MGAT4C: variants seen among roughly 807,000 people sequenced by gnomAD.
MGAT4C encodes alpha-1,3-mannosyl-glycoprotein 4-beta-N-acetylglucosaminyltransferase C.
A neutral mutation model predicts 40.1 loss-of-function variants in MGAT4C; 19 were observed. The observed-to-expected ratio is 0.47, with a 90% CI of 0.33 to 0.70. The LOEUF (loss-of-function observed/expected upper bound fraction) is 0.70, where lower values mean the gene tolerates loss of function less well. MGAT4C is among the 30% of genes least tolerant of loss of function. The pLI, the probability that MGAT4C is intolerant of heterozygous loss-of-function variation, is 0.02. For synonymous variants in MGAT4C, 181 were observed against 187.1 expected, an observed-to-expected ratio of 0.97 and a Z score of 0.27; for missense variants, 491 against 563.2, an observed-to-expected ratio of 0.87 and a Z score of 1.30.
intron 2 of MGAT4C, among the ~76,000 whole-genome samples, chr12:86,454,463 G>A (rs1359737474): frequency 6.6e-6 from 1 of 152,010 alleles, no homozygotes; most frequent in Non-Finnish European, 1.5e-5. Flanking sequence ...CTGAGATCAA[G>A]AAATCCACCT....
chr12:86,603,511 C>A (rs1157591159), intron 2 of MGAT4C, among the ~76,000 whole-genome samples: 1 of 22,300 alleles, frequency 4.5e-5, no homozygotes, highest in Non-Finnish European at 1.3e-4. Context: ...TATATATAGT[C>A]TATAGTCTAT....
chr12:86,210,631 T>A (rs1215863789), intron 1 of MGAT4C, among the ~76,000 whole-genome samples: 3 of 152,208 alleles, frequency 2.0e-5, no homozygotes. Flanking sequence ...AAATACCTCA[T>A]ACACAATCAT....
At chr12:86,138,110 T>C (rs1882230866) in intron 1 of MGAT4C, among the ~76,000 whole-genome samples, 1 of 152,072 alleles carries the variant, frequency 6.6e-6, no homozygotes, top group Non-Finnish European at 1.5e-5. Flanking sequence ...TCTGAAGACA[T>C]GATTAAATAC....
At chr12:86,265,119 C>G (rs1402664603) in intron 4 of MGAT4C, among the ~76,000 whole-genome samples, 1 of 152,094 alleles carries the variant, frequency 6.6e-6, no homozygotes, top group Non-Finnish European at 1.5e-5. Flanking sequence ...GACCCCCAGC[C>G]GGCATGCCTG....
At chr12:86,452,111 T>A (rs899104318) in intron 2 of MGAT4C, among the ~76,000 whole-genome samples, 3 of 152,134 alleles carry the variant, frequency 2.0e-5, no homozygotes, top group Admixed American at 6.6e-5. Context: ...CTGACCTGTT[T>A]CTTGTTTGTT....
intron 4 of MGAT4C, among the ~76,000 whole-genome samples, chr12:86,314,520 A>G (rs544320026): frequency 6.6e-6 from 1 of 152,362 alleles, no homozygotes; most frequent in African/African-American, 2.4e-5. Flanking sequence ...TTTGCTGTCA[A>G]TATGATTCTA....
At chr12:86,563,640 G>C (rs919294996) in intron 2 of MGAT4C, among the ~76,000 whole-genome samples, 1 of 152,150 alleles carries the variant, frequency 6.6e-6, no homozygotes, top group Non-Finnish European at 1.5e-5. Flanking sequence ...CTTCCCCAAG[G>C]AGACCTCTGG....
chr12:86,725,292 G>T (rs903606947), intron 2 of MGAT4C, among the ~76,000 whole-genome samples: 1 of 152,076 alleles, frequency 6.6e-6, no homozygotes, highest in Non-Finnish European at 1.5e-5. Flanking sequence ...TTCTCTGTTA[G>T]TTACGTACCA....
chr12:86,829,853 T>C (rs1023583451), intron 1 of MGAT4C, among the ~76,000 whole-genome samples: 17 of 149,814 alleles, frequency 1.1e-4, no homozygotes, highest in Admixed American at 4.7e-4. Flanking sequence ...ATTTTATTTG[T>C]TTTTCTTACC....
intron 4 of MGAT4C, among the ~76,000 whole-genome samples, chr12:86,331,271 G>T (rs1170522253): frequency 6.6e-6 from 1 of 152,154 alleles, no homozygotes; most frequent in East Asian, 1.9e-4. Flanking sequence ...CTTCCCTTGG[G>T]GTGGGCTGTC....
At chr12:86,057,599 C>T (rs944251936) in intron 1 of MGAT4C, among the ~76,000 whole-genome samples, 9 of 152,090 alleles carry the variant, frequency 5.9e-5, no homozygotes, top group East Asian at 3.9e-4. Context: ...ATGGCTGTGA[C>T]CCCTATAGCA....
intron 1 of MGAT4C, among the ~76,000 whole-genome samples, chr12:86,141,243 T>G (rs1302259475): frequency 6.6e-6 from 1 of 151,940 alleles, no homozygotes; most frequent in Admixed American, 6.6e-5. Flanking sequence ...ACACACAGAG[T>G]AGATAAATTT....
At chr12:86,305,727 T>C (rs1953920122) in intron 4 of MGAT4C, among the ~76,000 whole-genome samples, 1 of 150,486 alleles carries the variant, frequency 6.6e-6, no homozygotes, top group South Asian at 2.1e-4. Context: ...TATCACTAGA[T>C]TATTTAGAAT....
chr12:86,656,307 A>G (rs572258121), intron 2 of MGAT4C, among the ~76,000 whole-genome samples: 63 of 152,184 alleles, frequency 4.1e-4, no homozygotes, highest in African/African-American at 1.4e-3. Context: ...GAAAATGAGT[A>G]TATTTAACAA....
chr12:85,972,516 C>T lies in MGAT4C; in HGVS notation c.*6773G>A, dbSNP rs541515373. The T allele has an allele frequency of 6.6e-6, 1 of 150,934 alleles. No individual in the cohort carries two copies. Among genetic ancestry groups the T allele is most frequent in the South Asian group, 2.1e-4 (1 of 4,806 alleles). The allele number at this position is 150,934 out of a possible 1,614,324, so 9.3% of individuals were successfully genotyped here. On this transcript the variant is annotated 3_prime_UTR_variant, in exon 5 of 5. Coordinates refer to ENST00000611864, the MANE Select transcript of MGAT4C (RefSeq NM_001351288.2). The stretch of plus-strand genomic sequence containing the variant: ...AAAAAAAGATACAATCCTTCAATGT[C>T]ATTCAACAGTATTAATTGTTAAAGT...
chr12:86,644,454 A>G (rs1963478757), intron 2 of MGAT4C, among the ~76,000 whole-genome samples: 1 of 151,834 alleles, frequency 6.6e-6, no homozygotes, highest in African/African-American at 2.4e-5. Context: ...TGTTGGCAAC[A>G]ATGTAAGGTA....
At chr12:86,400,957 C>T (rs1413959072) in intron 3 of MGAT4C, among the ~76,000 whole-genome samples, 1 of 152,050 alleles carries the variant, frequency 6.6e-6, no homozygotes, top group Non-Finnish European at 1.5e-5. Context: ...GTAGAATGAT[C>T]TCACAGAAAA....
At chr12:86,328,553 T>A (rs1001760692) in intron 4 of MGAT4C, among the ~76,000 whole-genome samples, 8 of 152,100 alleles carry the variant, frequency 5.3e-5, no homozygotes, top group Non-Finnish European at 1.0e-4. Context: ...TATTAAAATA[T>A]TACCATTTAT....
intron 2 of MGAT4C, among the ~76,000 whole-genome samples, chr12:86,691,239 A>G (rs1950168072): frequency 1.3e-5 from 2 of 152,256 alleles, no homozygotes; most frequent in Non-Finnish European, 2.9e-5. Context: ...TGTTTAAAGC[A>G]TAGTGGAGCC....
Sources: gnomAD v4.1 joint callset for allele counts (sites outside exome capture counted in the v4.1 genomes callset) on GRCh38, gnomAD v4.1.1 for gene constraint, MANE v1.5 for transcripts, NCBI Gene and HGNC (gene_info 2026-07-23, HGNC 2026-07-21) for gene names.